TTC29: variants seen among roughly 807,000 people sequenced by gnomAD.
The protein encoded by TTC29 is tetratricopeptide repeat domain 29, also known as tetratricopeptide repeat protein 29.
In TTC29, 49 loss-of-function variants were observed where a neutral mutation model predicts 58.1. The ratio of observed to expected loss-of-function variants is 0.84; its 90% CI spans 0.67 to 1.07. The LOEUF (loss-of-function observed/expected upper bound fraction) is 1.07. Among genes scored for constraint, TTC29 ranks in the 50% least tolerant of loss-of-function variants. The pLI, the probability that TTC29 is intolerant of heterozygous loss-of-function variation, is 0.00. For synonymous variants in TTC29, 209 were observed against 196.8 expected (o/e 1.06, Z -0.52); for missense variants, 582 against 555.6 (o/e 1.05, Z -0.48).
intron 10 of TTC29, among the ~76,000 whole-genome samples, chr4:146,815,776 T>C (rs2150134155): frequency 1.3e-5 from 2 of 152,322 alleles, no homozygotes; most frequent in Middle Eastern, 6.8e-3. Flanking sequence ...TGGTGGGGTA[T>C]GCATTTGGAA....
chr4:146,838,972 T>C (rs752984139), intron 8 of TTC29, among the ~76,000 whole-genome samples: 5 of 152,004 alleles, frequency 3.3e-5, no homozygotes, highest in Non-Finnish European at 5.9e-5. Flanking sequence ...TAGATGGAAC[T>C]GTCCCCTGAC....
chr4:146,892,796 G>C (rs970719471), intron 6 of TTC29, among the ~76,000 whole-genome samples: 2 of 152,168 alleles, frequency 1.3e-5, no homozygotes, highest in African/African-American at 4.8e-5. Context: ...CATTGTCTCA[G>C]CCCAAAATCT....
intron 10 of TTC29, among the ~76,000 whole-genome samples, chr4:146,808,323 C>T (rs574383992): frequency 6.6e-6 from 1 of 152,160 alleles, no homozygotes; most frequent in Non-Finnish European, 1.5e-5. Flanking sequence ...CCTTTGAAAA[C>T]CGGCACAAGA....
At chr4:146,728,880 T>C (rs1744111223) in intron 11 of TTC29, among the ~76,000 whole-genome samples, 2 of 37,266 alleles carry the variant, frequency 5.4e-5, no homozygotes, top group Non-Finnish European at 6.9e-5. Flanking sequence ...TGTGTGTATA[T>C]ATATATGTGT....
chr4:146,855,713 A>G (rs1729799597), intron 8 of TTC29, among the ~76,000 whole-genome samples: 1 of 152,190 alleles, frequency 6.6e-6, no homozygotes, highest in Admixed American at 6.5e-5. Flanking sequence ...TAGATCCATA[A>G]TTACTTACAC....
intron 10 of TTC29, among the ~76,000 whole-genome samples, chr4:146,806,206 G>C (rs1036368068): frequency 1.3e-5 from 2 of 152,148 alleles, no homozygotes; most frequent in Non-Finnish European, 2.9e-5. Context: ...TCACCAACAG[G>C]CCTGCCCTAC....
intron 11 of TTC29, among the ~76,000 whole-genome samples, chr4:146,766,252 T>C (rs1747313639): frequency 6.6e-6 from 1 of 151,990 alleles, no homozygotes; most frequent in Non-Finnish European, 1.5e-5. Context: ...TAGCAAATAG[T>C]TTTGGCACAT....
At chr4:146,925,858 T>C (rs1734897151) in intron 4 of TTC29, among the ~76,000 whole-genome samples, 1 of 152,192 alleles carries the variant, frequency 6.6e-6, no homozygotes, top group Non-Finnish European at 1.5e-5. Context: ...AAAATTGATT[T>C]CAAATATATG....
intron 8 of TTC29, among the ~76,000 whole-genome samples, chr4:146,834,499 C>T (rs1728377101): frequency 1.3e-5 from 2 of 152,132 alleles, no homozygotes; most frequent in Non-Finnish European, 2.9e-5. Flanking sequence ...TAATTTAACA[C>T]TGACATCATC....
intron 11 of TTC29, among the ~76,000 whole-genome samples, chr4:146,709,312 T>A (rs1163309232): frequency 6.6e-6 from 1 of 152,112 alleles, no homozygotes; most frequent in African/African-American, 2.4e-5. Context: ...GCTGCCTCCT[T>A]TTGTATTTCC....
At chr4:146,929,056 C>G (rs1735135418) in intron 4 of TTC29, among the ~76,000 whole-genome samples, 1 of 151,910 alleles carries the variant, frequency 6.6e-6, no homozygotes. Flanking sequence ...GGAAGATACT[C>G]TAGTAATTAA....
chr4:146,718,529 C>T (rs1475364132), intron 11 of TTC29, among the ~76,000 whole-genome samples: 1 of 152,146 alleles, frequency 6.6e-6, no homozygotes, highest in Non-Finnish European at 1.5e-5. Context: ...GATGTCTATT[C>T]AGGTCCCTAG....
intron 8 of TTC29, among the ~76,000 whole-genome samples, chr4:146,865,630 T>C (rs2150206684): frequency 6.6e-6 from 1 of 152,136 alleles, no homozygotes; most frequent in Admixed American, 6.6e-5. Flanking sequence ...AGATAACAAA[T>C]CTGCACATGT....
At chr4:146,796,933 G>C (rs1749871799) in intron 11 of TTC29, among the ~76,000 whole-genome samples, 1 of 151,970 alleles carries the variant, frequency 6.6e-6, no homozygotes, top group Admixed American at 6.6e-5. Context: ...GATGATCTGG[G>C]GCCCCAAAAT....
intron 7 of TTC29, among the ~76,000 whole-genome samples, chr4:146,870,679 A>C (rs115777214): frequency 1.3e-5 from 2 of 152,148 alleles, no homozygotes; most frequent in Non-Finnish European, 2.9e-5. Context: ...GCCTCACAGA[A>C]ATGAAAAGGA....
intron 11 of TTC29, among the ~76,000 whole-genome samples, chr4:146,736,561 G>A (rs1744721836): frequency 6.6e-6 from 1 of 152,184 alleles, no homozygotes; most frequent in African/African-American, 2.4e-5. Flanking sequence ...CAGAGTGCTG[G>A]CAGGGACAAA....
At chr4:146,758,281 G>T (rs553527990) in intron 11 of TTC29, among the ~76,000 whole-genome samples, 2 of 152,168 alleles carry the variant, frequency 1.3e-5, no homozygotes, top group African/African-American at 4.8e-5. Context: ...TGTCCAACAG[G>T]AATATATCAC....
intron 11 of TTC29, among the ~76,000 whole-genome samples, chr4:146,740,941 C>G (rs994511542): frequency 2.6e-5 from 4 of 152,062 alleles, no homozygotes; most frequent in Non-Finnish European, 4.4e-5. Context: ...TGTGCTGGTT[C>G]AAACTCCTGG....
intron 8 of TTC29, among the ~76,000 whole-genome samples, chr4:146,837,783 G>C (rs1203083878): frequency 2.0e-5 from 3 of 151,850 alleles, no homozygotes; most frequent in African/African-American, 7.3e-5. Context: ...ATCAGAGATA[G>C]GCAAACAAAG....
Sources: allele counts gnomAD v4.1 joint callset (sites outside exome capture counted in the v4.1 genomes callset), GRCh38; gene constraint gnomAD v4.1.1; transcripts MANE v1.5; gene names NCBI Gene and HGNC (gene_info 2026-07-23, HGNC 2026-07-21).